Variants in TANC2 observed in about 807,000 individuals in gnomAD.
TANC2 encodes tetratricopeptide repeat, ankyrin repeat and coiled-coil containing 2.
Under a neutral mutation model 210.5 loss-of-function variants are expected in TANC2, and 26 were observed. The ratio of observed to expected loss-of-function variants is 0.12; its 90% CI spans 0.09 to 0.17. TANC2 has a LOEUF of 0.17. Ranked by LOEUF, TANC2 falls within the 10% of genes least tolerant of loss-of-function variation. The pLI is 1.00. For missense variants in TANC2, 2,129 were observed against 2,608.9 expected (o/e 0.82, Z 4.01); for synonymous variants, 931 against 967.1 (o/e 0.96, Z 0.69).
chr17:63,395,936 G>A lies in TANC2; in HGVS notation c.3237+8G>A. ...AGCATGGGTTATACTGAGGTAAGAAGTAGGCAATAGGATTGTTTTTTCAAG... is the reference window on the plus strand; with the variant it reads ...AGCATGGGTTATACTGAGGTAAGAAATAGGCAATAGGATTGTTTTTTCAAG... On this transcript the variant is annotated splice_region_variant and intron_variant, in intron 18 of 27. Coordinates refer to ENST00000689528, the Ensembl canonical transcript of TANC2. 1 of 1,599,784 alleles carries A rather than the reference G, an allele frequency of 6.3e-7. No individual in the cohort carries two copies. Among genetic ancestry groups the A allele is most frequent in the South Asian group, 1.1e-5 (1 of 88,744 alleles).
chr17:63,300,895 TATG>T (rs1394740476), intron 9 of TANC2, among the ~76,000 whole-genome samples: 1 of 152,232 alleles, frequency 6.6e-6, no homozygotes, highest in African/African-American at 2.4e-5. Context: ...GCCCATTCAG[TATG>T]ATATCAGCTG....
At chr17:63,035,692 A>G (rs2034942979) in intron 2 of TANC2, among the ~76,000 whole-genome samples, 1 of 152,172 alleles carries the variant, frequency 6.6e-6, no homozygotes, top group Admixed American at 6.6e-5. Context: ...TTGTGTGAAC[A>G]TAAGTTTTCG....
At chr17:63,101,659 T>G (rs2037625928) in intron 4 of TANC2, among the ~76,000 whole-genome samples, 1 of 152,174 alleles carries the variant, frequency 6.6e-6, no homozygotes, top group Non-Finnish European at 1.5e-5. Context: ...GATTTTATAT[T>G]TCAGTTGAGA....
chr17:63,010,150 A>G (rs948581175), intron 2 of TANC2, among the ~76,000 whole-genome samples: 2 of 152,158 alleles, frequency 1.3e-5, no homozygotes, highest in African/African-American at 4.8e-5. Context: ...AAAGAAATGT[A>G]TTAGAATGTT....
chr17:63,054,621 TC>T (rs1200442433), intron 2 of TANC2, among the ~76,000 whole-genome samples: 1 of 151,834 alleles, frequency 6.6e-6, no homozygotes, highest in African/African-American at 2.4e-5. Flanking sequence ...GACCTTTTGA[TC>T]CCCCAGCCTT....
chr17:63,093,025 A>G (rs985296680), intron 3 of TANC2, among the ~76,000 whole-genome samples: 1 of 152,104 alleles, frequency 6.6e-6, no homozygotes, highest in African/African-American at 2.4e-5. Context: ...ATTTTCTTTC[A>G]ATCGGTACTG....
chr17:63,040,082 CTG>C (rs1162764195), intron 2 of TANC2, among the ~76,000 whole-genome samples: 17 of 152,124 alleles, frequency 1.1e-4, no homozygotes, highest in Admixed American at 1.1e-3. Flanking sequence ...GTAGCGCACT[CTG>C]TGGTGAGATA....
chr17:62,980,725 A>C (rs2032257666), intron 1 of TANC2, among the ~76,000 whole-genome samples: 1 of 152,056 alleles, frequency 6.6e-6, no homozygotes, highest in Non-Finnish European at 1.5e-5. Context: ...AGAGATTCTG[A>C]TTTCTTTATC....
chr17:63,076,619 T>C (rs2036580873), intron 3 of TANC2, among the ~76,000 whole-genome samples: 1 of 152,088 alleles, frequency 6.6e-6, no homozygotes, highest in Non-Finnish European at 1.5e-5. Flanking sequence ...GTATGAAAGA[T>C]AGAAGTTAAA....
intron 15 of TANC2, chr17:63,381,581 G>C (rs184075398): frequency 6.6e-6 from 1 of 152,176 alleles, no homozygotes; most frequent in Non-Finnish European, 1.5e-5. Context: ...CAATCCAATG[G>C]GTACTTTTTT....
At chr17:63,405,470 T>G (rs1389369586) in intron 20 of TANC2, among the ~76,000 whole-genome samples, 1 of 152,246 alleles carries the variant, frequency 6.6e-6, no homozygotes, top group African/African-American at 2.4e-5. Flanking sequence ...ATAGAAGGAC[T>G]AACTACTTAT....
intron 2 of TANC2, among the ~76,000 whole-genome samples, chr17:63,072,403 T>G (rs1446383892): frequency 6.6e-6 from 1 of 152,104 alleles, no homozygotes; most frequent in African/African-American, 2.4e-5. Flanking sequence ...CATGAGTAGA[T>G]TTTTGCTTTA....
intron 20 of TANC2, 127 bp downstream of exon 20, chr17:63,405,382 T>G: frequency 9.4e-7 from 1 of 1,058,342 alleles, no homozygotes; most frequent in East Asian, 2.7e-5. Flanking sequence ...TTTGAGGACT[T>G]GGACCTTTGT....
At chr17:63,193,913 A>G (rs1407367365) in intron 5 of TANC2, 78 bp from the exon 6 acceptor site, 1 of 1,395,232 alleles carries the variant, frequency 7.2e-7, no homozygotes, top group African/African-American at 1.5e-5. Context: ...AAATGACCAA[A>G]GTGAATGTAC....
chr17:63,131,840 C>CT (rs1291644811), intron 4 of TANC2, among the ~76,000 whole-genome samples: 2 of 152,160 alleles, frequency 1.3e-5, no homozygotes, highest in African/African-American at 4.8e-5. Flanking sequence ...CCTACATGAG[C>CT]TCCAGGGTTC....
At chr17:63,040,998 G>A (rs1372861060) in intron 2 of TANC2, among the ~76,000 whole-genome samples, 1 of 152,116 alleles carries the variant, frequency 6.6e-6, no homozygotes, top group East Asian at 1.9e-4. Flanking sequence ...AAGACATTTT[G>A]TATGTGATAA....
At chr17:63,176,045 CA>C (rs1179588707) in intron 5 of TANC2, among the ~76,000 whole-genome samples, 1 of 152,194 alleles carries the variant, frequency 6.6e-6, no homozygotes, top group Non-Finnish European at 1.5e-5. Flanking sequence ...AAAAGGCTCT[CA>C]CTGCCAAGTG....
intron 9 of TANC2, among the ~76,000 whole-genome samples, chr17:63,311,772 A>AC (rs1255972460): frequency 1.3e-5 from 2 of 152,276 alleles, no homozygotes; most frequent in Non-Finnish European, 2.9e-5. Context: ...GTATATCCAT[A>AC]CAATGGAATA....
chr17:63,293,487 G>C (rs183683073), intron 9 of TANC2, among the ~76,000 whole-genome samples: 102 of 152,274 alleles, frequency 6.7e-4, no homozygotes, highest in African/African-American at 2.5e-3. Flanking sequence ...ATTTGCACCA[G>C]ACTTTGGCTG....
Sources: gnomAD v4.1 joint callset for allele counts (sites outside exome capture counted in the v4.1 genomes callset) on GRCh38, gnomAD v4.1.1 for gene constraint, MANE v1.5 for transcripts, NCBI Gene and HGNC (gene_info 2026-07-23, HGNC 2026-07-21) for gene names.